PUS7: variants seen among roughly 807,000 people sequenced by gnomAD.
PUS7 encodes the protein pseudouridylate synthase 7 homolog.
Under a neutral mutation model 79.8 loss-of-function variants are expected in PUS7, and 48 were observed. The ratio of observed to expected loss-of-function variants is 0.60; its 90% CI spans 0.48 to 0.76. The LOEUF is 0.76. PUS7 is among the 30% of genes least tolerant of loss of function. The pLI is 0.00. For synonymous variants in PUS7, 286 were observed against 272.2 expected, an observed-to-expected ratio of 1.05 and a Z score of -0.50; for missense variants, 729 against 797.6, an observed-to-expected ratio of 0.91 and a Z score of 1.04.
intron 9 of PUS7, among the ~76,000 whole-genome samples, chr7:105,478,943 C>T (rs1325359092): frequency 1.3e-5 from 2 of 152,138 alleles, no homozygotes; most frequent in Non-Finnish European, 2.9e-5. Context: ...GCATACACAA[C>T]GTATAGGATT....
intron 1 of PUS7, among the ~76,000 whole-genome samples, chr7:105,516,539 C>T (rs1457100986): frequency 6.6e-6 from 1 of 151,880 alleles, no homozygotes; most frequent in Admixed American, 6.6e-5. Flanking sequence ...CAGCAACCTC[C>T]ACCTCCCGGG....
At chr7:105,467,001 A>G (rs568387778) in intron 12 of PUS7, among the ~76,000 whole-genome samples, 1 of 148,988 alleles carries the variant, frequency 6.7e-6, no homozygotes, top group East Asian at 2.0e-4. Context: ...TGGAGTTTGG[A>G]ATCAGATAGA....
At chr7:105,500,923 T>C (rs1422434978) in intron 5 of PUS7, among the ~76,000 whole-genome samples, 1 of 152,336 alleles carries the variant, frequency 6.6e-6, no homozygotes, top group South Asian at 2.1e-4. Flanking sequence ...GAGTAAAAAG[T>C]AATTCAGGAC....
rs1473118021 is a variant in PUS7, at chr7:105,481,172, A to G, written c.1055T>C (p.Ile352Thr). The G allele has an allele frequency of 3.1e-6, 5 of 1,607,262 alleles. No individual in the cohort carries two copies. The highest frequency in any genetic ancestry group is 4.2e-6 in the Non-Finnish European group (5 of 1,177,364). The stretch of plus-strand genomic sequence containing the variant: ...CTGTACTTGGTCATCAGTTCCTGTT[A>G]TATTTCTACAGGGACACAAATTATC... ...GNHFTVVLRNITGTDDQVQQA... is the reference protein window; with the variant it reads ...GNHFTVVLRNTTGTDDQVQQA... The change falls in exon 9 of 16, where the codon ATA becomes ACA. Residue 352 changes from isoleucine (I) to threonine (T), a missense_variant. Transcript: ENST00000469408.
intron 6 of PUS7, among the ~76,000 whole-genome samples, chr7:105,493,055 T>C (rs890671111): frequency 5.3e-5 from 8 of 152,214 alleles, no homozygotes; most frequent in African/African-American, 1.7e-4. Flanking sequence ...TTCCTATCCA[T>C]CATCTACAAT....
Position 105,522,026 on chromosome 7 carries a change from CGGCCGCGGGGA to C in PUS7, c.-33+15_-33+25del. ...CCAGGGCCAGGCCGAGGAGCCCCGG[CGGCCGCGGGGA>C]GGCCGCGCACTTACCCGGAGCCTGG... On this transcript the variant is annotated intron_variant, in intron 1 of 15. Transcript: ENST00000469408. The C allele has an allele frequency of 6.6e-6, 1 of 152,040 alleles. No homozygotes were observed. The highest frequency in any genetic ancestry group is 2.1e-4 in the South Asian group (1 of 4,812). The allele number at this position is 152,040 out of a possible 1,614,324, so 9.4% of individuals were successfully genotyped here.
intron 5 of PUS7, 72 bp downstream of exon 5, chr7:105,502,348 G>C: frequency 6.4e-7 from 1 of 1,568,796 alleles, no homozygotes; most frequent in Non-Finnish European, 8.7e-7. Context: ...ACACGAACGG[G>C]CAAGGCTAAC....
intron 14 of PUS7, among the ~76,000 whole-genome samples, chr7:105,459,990 G>A (rs915537543): frequency 8.5e-5 from 13 of 152,172 alleles, no homozygotes; most frequent in African/African-American, 3.1e-4. Flanking sequence ...CCAGGCTGGA[G>A]TGTAGTGGCG....
At chr7:105,470,890 GACAGACTTCCATA>G in intron 10 of PUS7, 42 bp from the exon 11 acceptor site, 1 of 1,507,470 alleles carries the variant, frequency 6.6e-7, no homozygotes, top group Non-Finnish European at 8.9e-7. Flanking sequence ...TTACCCAATA[GACAGACTTCCATA>G]ACTTAAAGTA....
chr7:105,485,887 G>A (rs989246552), intron 7 of PUS7, among the ~76,000 whole-genome samples: 21 of 151,144 alleles, frequency 1.4e-4, no homozygotes, highest in Non-Finnish European at 2.7e-4. Context: ...CCTCTGCTTC[G>A]TGGGCTTACA....
chr7:105,475,882 T>C (rs1251889149), intron 9 of PUS7, among the ~76,000 whole-genome samples: 1 of 152,034 alleles, frequency 6.6e-6, no homozygotes, highest in African/African-American at 2.4e-5. Context: ...AAGACACCAT[T>C]CTACTTTCTG....
rs1301915171 is a variant in PUS7, at chr7:105,496,194, C to CAT, written c.731-942_731-941insAT. Among the ~76,000 whole-genome samples the CAT allele has an allele frequency of 8.5e-4, 78 of 91,584 alleles. 1 individual carries two copies. Among genetic ancestry groups the CAT allele is most frequent in the Non-Finnish European group, 1.2e-3 (60 of 50,266 alleles). The allele number at this position is 91,584 out of a possible 152,430, so 60.1% of individuals were successfully genotyped here. A position where few individuals can be genotyped will look rare whatever the true frequency, so the allele number is the denominator to read the frequency against. ...AAAAGTATGCATATCTACACACACA[C>CAT]ACATATATATATATATATATATATA... On this transcript the variant is annotated intron_variant, in intron 5 of 15. Transcript: ENST00000469408.
chr7:105,465,989 C>A (rs1420468676), intron 12 of PUS7, among the ~76,000 whole-genome samples: 1 of 152,034 alleles, frequency 6.6e-6, no homozygotes, highest in Admixed American at 6.6e-5. Flanking sequence ...GAAACCCCAT[C>A]TCTACAAAAA....
At chr7:105,517,681 G>A (rs1825949071) in intron 1 of PUS7, among the ~76,000 whole-genome samples, 1 of 152,114 alleles carries the variant, frequency 6.6e-6, no homozygotes, top group Non-Finnish European at 1.5e-5. Context: ...CAGGAGGATT[G>A]TGTGAGACCA....
Position 105,462,697 on chromosome 7 carries a change from T to G in PUS7, c.1681A>C (p.Met561Leu). 2 of 1,613,742 alleles carry G rather than the reference T, an allele frequency of 1.2e-6. No individual in the cohort carries two copies. Among genetic ancestry groups the G allele is most frequent in the Non-Finnish European group, 1.7e-6 (2 of 1,179,800 alleles). Residue 561 changes from methionine (M) to leucine (L), a missense_variant, in exon 14 of 16, where the codon ATG becomes CTG. Met to Leu is a conservative substitution (Grantham distance 15). Transcript: ENST00000469408. ...LTADNLDIDN[M>L]RHKIRDYSLS... Reference sequence around the variant, plus strand: ...GAATAATCTCGAATTTTGTGTCTCATGTTGTCAATATCAAGATTGTCAGCT... The same window carrying G: ...GAATAATCTCGAATTTTGTGTCTCAGGTTGTCAATATCAAGATTGTCAGCT...
intron 11 of PUS7, 112 bp from the exon 12 acceptor site, chr7:105,468,575 T>C (rs1823753784): frequency 2.1e-6 from 2 of 936,904 alleles, no homozygotes; most frequent in South Asian, 1.7e-5. Flanking sequence ...TGGAGTGCAG[T>C]GGCACGATCT....
chr7:105,514,613 A>G (rs1046048158), intron 1 of PUS7, among the ~76,000 whole-genome samples: 2 of 151,794 alleles, frequency 1.3e-5, no homozygotes, highest in African/African-American at 4.8e-5. Context: ...CAAAAAAAAG[A>G]AAAGAAAAGA....
intron 9 of PUS7, among the ~76,000 whole-genome samples, chr7:105,474,826 T>A (rs1489345594): frequency 2.0e-5 from 3 of 152,222 alleles, no homozygotes; most frequent in Non-Finnish European, 4.4e-5. Flanking sequence ...TAAATATCAA[T>A]TACAGCCTGC....
chr7:105,474,776 G>A (rs1824021318), intron 9 of PUS7, among the ~76,000 whole-genome samples: 1 of 152,086 alleles, frequency 6.6e-6, no homozygotes, highest in Non-Finnish European at 1.5e-5. Context: ...GCAAGACTGT[G>A]TCTCAAAAAT....
Sources: gnomAD v4.1 joint callset for allele counts (sites outside exome capture counted in the v4.1 genomes callset) on GRCh38, gnomAD v4.1.1 for gene constraint, MANE v1.5 for transcripts, NCBI Gene and HGNC (gene_info 2026-07-23, HGNC 2026-07-21) for gene names.